WWOX: variants seen among roughly 807,000 people sequenced by gnomAD.
WWOX encodes the protein WW domain containing oxidoreductase.
WWOX carries 69 observed loss-of-function variants against 46.2 expected under a neutral mutation model. That is an observed-to-expected ratio of 1.49 (90% CI 1.23 to 1.82). WWOX has a LOEUF of 1.82. Ranked by LOEUF, WWOX falls within the 40% of genes most tolerant of loss-of-function variation. WWOX has a pLI of 0.00. For synonymous variants in WWOX, 359 were observed against 202.6 expected, an observed-to-expected ratio of 1.77 and a Z score of -6.56; for missense variants, 919 against 542.6, an observed-to-expected ratio of 1.69 and a Z score of -6.89.
At chr16:78,440,705 G>A (rs1425234895) in intron 8 of WWOX, among the ~76,000 whole-genome samples, 1 of 150,336 alleles carries the variant, frequency 6.7e-6, no homozygotes, top group Non-Finnish European at 1.5e-5. Flanking sequence ...CAACCTCCGC[G>A]CCTCCCCAGT....
intron 5 of WWOX, among the ~76,000 whole-genome samples, chr16:78,361,011 C>T (rs940041731): frequency 2.0e-5 from 3 of 152,032 alleles, no homozygotes; most frequent in Non-Finnish European, 4.4e-5. Context: ...TTTATCAAGG[C>T]AGGGTTTCAT....
chr16:79,091,730 A>G (rs1303382584), intron 8 of WWOX, among the ~76,000 whole-genome samples: 2 of 151,624 alleles, frequency 1.3e-5, no homozygotes, highest in African/African-American at 4.9e-5. Context: ...GGTTTTCTCA[A>G]GAGGGTTTCT....
chr16:78,652,087 C>G lies in WWOX; in HGVS notation c.1056+219335C>G, dbSNP rs1481488073. On this transcript the variant is annotated intron_variant, in intron 8 of 8. Transcript: ENST00000566780. ...TCATGATAAGCCAGATGTCCAGAAG[C>G]CAGCTTGAGACCAGGGCTCCTGGTC... 2.0e-5 allele frequency among the ~76,000 whole-genome samples: 3 copies of G among 152,054 alleles called. No homozygotes were observed. In the East Asian group the frequency reaches 5.8e-4, roughly 29 times the overall value.
chr16:78,208,421 G>T (rs569692040), intron 5 of WWOX, among the ~76,000 whole-genome samples: 1 of 152,080 alleles, frequency 6.6e-6, no homozygotes, highest in Non-Finnish European at 1.5e-5. Context: ...GAGAAACTGC[G>T]TATTTATTAA....
chr16:78,452,058 CT>C (rs1246357308), intron 8 of WWOX, among the ~76,000 whole-genome samples: 1 of 152,170 alleles, frequency 6.6e-6, no homozygotes, highest in Non-Finnish European at 1.5e-5. Context: ...CATGTTCTTT[CT>C]TTAAGTCATG....
chr16:78,924,316 G>A (rs766349415), intron 8 of WWOX, among the ~76,000 whole-genome samples: 3 of 152,082 alleles, frequency 2.0e-5, no homozygotes, highest in Non-Finnish European at 4.4e-5. Flanking sequence ...TTTAGGGGGT[G>A]GGGTTGCTTT....
chr16:78,485,514 A>G (rs1003275057), intron 8 of WWOX, among the ~76,000 whole-genome samples: 1 of 152,176 alleles, frequency 6.6e-6, no homozygotes, highest in African/African-American at 2.4e-5. Context: ...TTTCTACTGC[A>G]CCAACTCCCC....
At chr16:78,920,950 T>G (rs2045364393) in intron 8 of WWOX, among the ~76,000 whole-genome samples, 1 of 152,198 alleles carries the variant, frequency 6.6e-6, no homozygotes, top group Non-Finnish European at 1.5e-5. Flanking sequence ...TAATATGTGG[T>G]ACTTTTCTGC....
intron 6 of WWOX, among the ~76,000 whole-genome samples, chr16:78,398,177 C>T (rs1164900041): frequency 1.3e-5 from 2 of 152,192 alleles, no homozygotes; most frequent in East Asian, 1.9e-4. Flanking sequence ...CCAGCCCTGA[C>T]ACTGTCCTGT....
At chr16:78,119,084 G>A (rs531754467) in intron 4 of WWOX, 7 of 152,370 alleles carry the variant, frequency 4.6e-5, no homozygotes, top group Admixed American at 4.6e-4. Flanking sequence ...AGATCAAGAG[G>A]CCCGGAACCC....
chr16:78,711,254 G>GT (rs2048438865), intron 8 of WWOX, among the ~76,000 whole-genome samples: 1 of 152,194 alleles, frequency 6.6e-6, no homozygotes. Flanking sequence ...TCAAAGTGAT[G>GT]TGGATGTATA....
chr16:79,203,614 G>A (rs954469584), intron 8 of WWOX: 3 of 150,686 alleles, frequency 2.0e-5, no homozygotes, highest in Admixed American at 6.6e-5. Context: ...TTTGTGGTTC[G>A]TCCTGAAATC....
chr16:78,917,368 A>T (rs993848235), intron 8 of WWOX, among the ~76,000 whole-genome samples: 1 of 152,174 alleles, frequency 6.6e-6, no homozygotes, highest in Non-Finnish European at 1.5e-5. Flanking sequence ...ATACCTCTAG[A>T]TGCTTATAAT....
chr16:78,907,812 C>A (rs1007469910), intron 8 of WWOX, among the ~76,000 whole-genome samples: 1 of 152,080 alleles, frequency 6.6e-6, no homozygotes, highest in Non-Finnish European at 1.5e-5. Context: ...CCTAGGGAAA[C>A]AGGACTACCA....
At chr16:78,682,222 A>T (rs1180292169) in intron 8 of WWOX, among the ~76,000 whole-genome samples, 1 of 152,194 alleles carries the variant, frequency 6.6e-6, no homozygotes, top group Non-Finnish European at 1.5e-5. Context: ...AATTGGGCCT[A>T]ACCCACTATG....
At chr16:78,422,238 C>T (rs1368409079) in intron 6 of WWOX, among the ~76,000 whole-genome samples, 2 of 152,062 alleles carry the variant, frequency 1.3e-5, no homozygotes, top group Non-Finnish European at 2.9e-5. Context: ...ACTTTTGTTC[C>T]ACTGTTTTAG....
chr16:78,401,932 T>G (rs1049777630), intron 6 of WWOX, among the ~76,000 whole-genome samples: 2 of 152,100 alleles, frequency 1.3e-5, no homozygotes, highest in African/African-American at 2.4e-5. Context: ...ACTCCTGACC[T>G]CTAGATCCGC....
intron 8 of WWOX, among the ~76,000 whole-genome samples, chr16:78,482,031 T>C (rs1210685680): frequency 6.6e-6 from 1 of 152,096 alleles, no homozygotes; most frequent in African/African-American, 2.4e-5. Context: ...ACTTAAGAAA[T>C]CTGTTTCTAA....
chr16:78,835,563 C>A (rs4888854), intron 8 of WWOX, among the ~76,000 whole-genome samples: 73,585 of 152,058 alleles, frequency 0.48, 17,954 homozygotes, highest in Non-Finnish European at 0.53. Flanking sequence ...GTTGTTCACA[C>A]ACATATTGAT....
Sources: allele counts gnomAD v4.1 joint callset (sites outside exome capture counted in the v4.1 genomes callset), GRCh38; gene constraint gnomAD v4.1.1; transcripts MANE v1.5; gene names NCBI Gene and HGNC (gene_info 2026-07-23, HGNC 2026-07-21).